Variants in PARD3B observed in about 807,000 individuals in gnomAD.
PARD3B encodes the protein partitioning defective 3 homolog B.
A neutral mutation model predicts 130.2 loss-of-function variants in PARD3B; 103 were observed. That is an observed-to-expected ratio of 0.79 (90% CI 0.67 to 0.93). The LOEUF is 0.93. Among genes scored for constraint, PARD3B ranks in the 40% least tolerant of loss-of-function variants. The pLI is 0.00. For missense variants in PARD3B, 1,609 were observed against 1,499.2 expected (o/e 1.07, Z -1.21); for synonymous variants, 583 against 553.2 (o/e 1.05, Z -0.76).
chr2:204,969,847 G>A (rs1691545969), intron 3 of PARD3B, among the ~76,000 whole-genome samples: 1 of 152,050 alleles, frequency 6.6e-6, no homozygotes. Context: ...AATGGAGGTG[G>A]AGAAAATGTC....
chr2:205,027,483 T>G (rs1697118090), intron 3 of PARD3B, among the ~76,000 whole-genome samples: 1 of 152,192 alleles, frequency 6.6e-6, no homozygotes, highest in Non-Finnish European at 1.5e-5. Context: ...ATATACAGTT[T>G]GCAAATAATT....
chr2:205,398,162 T>A (rs966787601), intron 18 of PARD3B, among the ~76,000 whole-genome samples: 1 of 151,898 alleles, frequency 6.6e-6, no homozygotes. Context: ...TTAGCCAGGC[T>A]TGGTGGTGGG....
At position 204,906,911 on chromosome 2, in the gene PARD3B, A is replaced by G. The variant is rs950156557; in HGVS notation, c.223-58241A>G. 1.3e-5 allele frequency among the ~76,000 whole-genome samples: 2 copies of G among 152,182 alleles called. No homozygotes were observed. The highest frequency in any genetic ancestry group is 2.9e-5 in the Non-Finnish European group (2 of 68,028). On this transcript the variant is annotated intron_variant, in intron 2 of 22. Coordinates refer to ENST00000406610, the MANE Select transcript of PARD3B (RefSeq NM_001302769.2). The surrounding 1 kb of genome is among the most constrained non-coding windows in gnomAD (Gnocchi z 4.3). ...ATGAAGATTGCTGGGAAATTTTAGC[A>G]TTTTTGTGGAGAATTGGGTGTATTA... is the stretch of plus-strand genomic sequence containing the variant.
Position 204,887,519 on chromosome 2 carries a change from G to C in PARD3B, c.223-77633G>C, listed in dbSNP as rs917888220. Among the ~76,000 whole-genome samples, 2 of 152,074 alleles carry C rather than the reference G, an allele frequency of 1.3e-5. No homozygotes were observed. The highest frequency in any genetic ancestry group is 4.8e-5 in the African/African-American group (2 of 41,398). ...AAGCAAAACACTCAAATTATACCAC[G>C]TTGAAAACATGAAGAGGTGTTTTTA... On this transcript the variant is annotated intron_variant, in intron 2 of 22. Coordinates refer to ENST00000406610, the MANE Select transcript of PARD3B (RefSeq NM_001302769.2). The surrounding 1 kb of genome is among the most constrained non-coding windows in gnomAD (Gnocchi z 4.2).
chr2:205,126,239 A>G (rs1445980779), intron 10 of PARD3B, among the ~76,000 whole-genome samples: 1 of 152,202 alleles, frequency 6.6e-6, no homozygotes, highest in East Asian at 1.9e-4. Context: ...GAGAAAGATG[A>G]GTTCAAAAGC....
rs754380947 is a variant in PARD3B at position 204,965,154 on chromosome 2, G to A, written c.225G>A (p.Leu75=). 6.2e-7 allele frequency: 1 copy of A among 1,613,132 alleles called. No homozygotes were observed. Among genetic ancestry groups the A allele is most frequent in the Non-Finnish European group, 8.5e-7 (1 of 1,179,428 alleles). Residue 75 remains leucine (L), a splice_region_variant and synonymous_variant, in exon 3 of 23, where the codon CTG becomes CTA. Transcript: ENST00000406610. ...AGTGTTGTTGGATTTGTTTGTAGCT[G>A]ATTGCTGTGTTTGAAGAACAAGAAC... ...LADVVEDKDK[L]IAVFEEQEPL...
intron 22 of PARD3B, among the ~76,000 whole-genome samples, chr2:205,561,139 T>C (rs2053118167): frequency 6.6e-6 from 1 of 152,206 alleles, no homozygotes; most frequent in South Asian, 2.1e-4. Context: ...CATCCTTTTC[T>C]GTCATTTACC....
chr2:204,721,796 T>C (rs1167084469), intron 2 of PARD3B, among the ~76,000 whole-genome samples: 2 of 152,176 alleles, frequency 1.3e-5, no homozygotes, highest in Non-Finnish European at 2.9e-5. Flanking sequence ...ATTTTACATT[T>C]TTGGGTGATA....
intron 2 of PARD3B, among the ~76,000 whole-genome samples, chr2:204,833,176 A>G (rs929994832): frequency 6.6e-6 from 1 of 152,202 alleles, no homozygotes; most frequent in East Asian, 1.9e-4. Context: ...AAAAATGGAC[A>G]CCACACTATA....
At chr2:205,306,747 A>G (rs62171481) in intron 18 of PARD3B, among the ~76,000 whole-genome samples, 5,375 of 152,272 alleles carry the variant, frequency 0.035, 100 homozygotes, top group Middle Eastern at 0.058. Context: ...ACTGTTTTCC[A>G]TAGCCTTTTG....
chr2:205,450,093 G>A (rs2048045217), intron 20 of PARD3B, among the ~76,000 whole-genome samples: 3 of 152,082 alleles, frequency 2.0e-5, no homozygotes, highest in Admixed American at 2.0e-4. Flanking sequence ...CTCTTGTCTG[G>A]TTTATTCGTG....
intron 18 of PARD3B, among the ~76,000 whole-genome samples, chr2:205,310,069 A>C (rs2042323080): frequency 6.7e-6 from 1 of 150,018 alleles, no homozygotes; most frequent in South Asian, 2.1e-4. Context: ...TGGTGAGAAC[A>C]CTTAAAATCT....
intron 2 of PARD3B, among the ~76,000 whole-genome samples, chr2:204,825,127 C>T (rs999232341): frequency 6.6e-6 from 1 of 152,188 alleles, no homozygotes; most frequent in Non-Finnish European, 1.5e-5. Flanking sequence ...TATTGCAGAG[C>T]ATATGGGTCA....
At chr2:204,699,494 A>C (rs144594244) in intron 2 of PARD3B, among the ~76,000 whole-genome samples, 1 of 152,232 alleles carries the variant, frequency 6.6e-6, no homozygotes, top group East Asian at 1.9e-4. Context: ...TGGTATATTT[A>C]GGAAGATTGG....
chr2:204,688,625 T>C (rs559209228), intron 2 of PARD3B, among the ~76,000 whole-genome samples: 1 of 151,896 alleles, frequency 6.6e-6, no homozygotes, highest in Non-Finnish European at 1.5e-5. Flanking sequence ...CTTATTTTTC[T>C]GACAACCTTG....
Position 205,564,380 on chromosome 2 carries a change from A to G in PARD3B, c.3260+10977A>G, listed in dbSNP as rs1289392935. On this transcript the variant is annotated intron_variant, in intron 22 of 22. Transcript: ENST00000406610. The surrounding 1 kb of genome is among the most constrained non-coding windows in gnomAD (Gnocchi z 4.6). ...AAGAACAGCAACCACTGAATCACAG[A>G]ACTCCTCTTAGCAAATTCAAACACC... 6.6e-6 allele frequency among the ~76,000 whole-genome samples: 1 copy of G among 152,250 alleles called. No individual in the cohort carries two copies. Among genetic ancestry groups the G allele is most frequent in the Non-Finnish European group, 1.5e-5 (1 of 68,048 alleles).
intron 1 of PARD3B, among the ~76,000 whole-genome samples, chr2:204,559,226 A>G (rs549746716): frequency 6.6e-6 from 1 of 152,344 alleles, no homozygotes; most frequent in South Asian, 2.1e-4. Context: ...TCTGCACAGC[A>G]AAAGAAACTA....
intron 1 of PARD3B, among the ~76,000 whole-genome samples, chr2:204,649,066 A>C (rs1440578454): frequency 7.6e-6 from 1 of 131,988 alleles, no homozygotes; most frequent in Non-Finnish European, 1.6e-5. Flanking sequence ...ATATATTTAT[A>C]ATATATATCA....
intron 2 of PARD3B, among the ~76,000 whole-genome samples, chr2:204,964,440 A>C (rs1001236918): frequency 6.6e-6 from 1 of 152,238 alleles, no homozygotes; most frequent in African/African-American, 2.4e-5. Context: ...AACAGTAAAA[A>C]GCATAGTTCT....
Sources: gnomAD v4.1 joint callset for allele counts (sites outside exome capture counted in the v4.1 genomes callset) on GRCh38, gnomAD v4.1.1 for gene constraint, Gnocchi (gnomAD v3.1) non-coding constraint, MANE v1.5 for transcripts, NCBI Gene and HGNC (gene_info 2026-07-23, HGNC 2026-07-21) for gene names.